Variants in VSNL1 observed in about 807,000 individuals in gnomAD.
VSNL1 encodes visinin-like protein 1.
In VSNL1, 6 loss-of-function variants were observed where a neutral mutation model predicts 20.4. The ratio of observed to expected loss-of-function variants is 0.29; its 90% CI spans 0.16 to 0.58. VSNL1 has a LOEUF of 0.58. Ranked by LOEUF, VSNL1 falls within the 20% of genes least tolerant of loss-of-function variation. VSNL1 has a pLI of 0.90. For missense variants in VSNL1, 100 were observed against 234.5 expected (o/e 0.43, Z 3.75); for synonymous variants, 93 against 86.4 (o/e 1.08, Z -0.42).
At chr2:17,591,547 G>A (rs183585202) in intron 1 of VSNL1, among the ~76,000 whole-genome samples, 4 of 152,026 alleles carry the variant, frequency 2.6e-5, no homozygotes, top group Admixed American at 1.3e-4. Context: ...TTTTTATTGG[G>A]GAAAAAAGCT....
intron 2 of VSNL1, among the ~76,000 whole-genome samples, chr2:17,629,011 C>T (rs963598184): frequency 1.3e-5 from 2 of 152,226 alleles, no homozygotes; most frequent in African/African-American, 2.4e-5. Context: ...CTGCCTTCAA[C>T]ACAGGGCTCA....
At chr2:17,569,846 A>G (rs1664040325) in intron 1 of VSNL1, among the ~76,000 whole-genome samples, 1 of 152,242 alleles carries the variant, frequency 6.6e-6, no homozygotes, top group South Asian at 2.1e-4. Flanking sequence ...AGACCATTTT[A>G]GAATTTGTAA....
At chr2:17,557,009 GAGGAAGAGATGGCTTTTTTTTTA>G (rs1558280912) in intron 1 of VSNL1, among the ~76,000 whole-genome samples, 2 of 152,174 alleles carry the variant, frequency 1.3e-5, no homozygotes, top group Admixed American at 6.6e-5. Flanking sequence ...AAAGGAGAAA[GAGGAAGAGATGGCTTTTTTTTTA>G]AGGATGCCAT....
At chr2:17,575,725 C>T (rs956025998) in intron 1 of VSNL1, among the ~76,000 whole-genome samples, 7 of 151,908 alleles carry the variant, frequency 4.6e-5, no homozygotes, top group African/African-American at 1.4e-4. Context: ...TTAGTAGAGA[C>T]GGGGTTTCAC....
intron 2 of VSNL1, among the ~76,000 whole-genome samples, chr2:17,646,185 T>TA (rs1407188268): frequency 6.6e-6 from 1 of 152,214 alleles, no homozygotes; most frequent in African/African-American, 2.4e-5. Flanking sequence ...AATGTTGAGT[T>TA]AAAGAATGAG....
chr2:17,600,756 C>T (rs535627471), intron 2 of VSNL1, among the ~76,000 whole-genome samples: 1 of 152,304 alleles, frequency 6.6e-6, no homozygotes, highest in East Asian at 1.9e-4. Flanking sequence ...CAATTTTTAG[C>T]ATGTATTTCC....
chr2:17,592,879 C>T (rs1033300), intron 2 of VSNL1, among the ~76,000 whole-genome samples: 16,633 of 151,888 alleles, frequency 0.11, 1,154 homozygotes, highest in African/African-American at 0.2. Flanking sequence ...ACAATTTCTA[C>T]TGCAGTGGTA....
In VSNL1 at chr2:17,656,475, G is replaced by A. The variant is rs148794569; in HGVS notation, c.*1081G>A. The stretch of plus-strand genomic sequence containing the variant: ...AACAACGTATGTTCAGTGCAACTAC[G>A]TGGAGCTGTGCACACACAGCAGGTA... On this transcript the variant is annotated 3_prime_UTR_variant, in exon 4 of 4. Transcript: ENST00000295156. 5 of 152,322 alleles carry A rather than the reference G, an allele frequency of 3.3e-5. No individual in the cohort carries two copies. Among genetic ancestry groups the A allele is most frequent in the East Asian group, 1.9e-4 (1 of 5,188 alleles). 9.4% of individuals were successfully genotyped at this position (152,322 alleles called of 1,614,324 possible). A position where few individuals can be genotyped will look rare whatever the true frequency, so the allele number is the denominator to read the frequency against.
intron 2 of VSNL1, among the ~76,000 whole-genome samples, chr2:17,647,279 C>A (rs1382644055): frequency 6.6e-6 from 1 of 152,060 alleles, no homozygotes; most frequent in Non-Finnish European, 1.5e-5. Context: ...GAAACCTACA[C>A]GAATGGAGGT....
rs1451315119 is a variant in VSNL1, at chr2:17,656,515, C to T, written c.*1121C>T. 1 of 152,138 alleles carries T rather than the reference C, an allele frequency of 6.6e-6. No individual in the cohort carries two copies. Among genetic ancestry groups the T allele is most frequent in the Non-Finnish European group, 1.5e-5 (1 of 68,036 alleles). The allele number at this position is 152,138 out of a possible 1,614,324, so 9.4% of individuals were successfully genotyped here. A position where few individuals can be genotyped will look rare whatever the true frequency, so the allele number is the denominator to read the frequency against. On this transcript the variant is annotated 3_prime_UTR_variant, in exon 4 of 4. Transcript: ENST00000295156. ...CACAGCAGGTAGGCTGCAGGTGTCC[C>T]CCAACATAAGTCAGTAGGAAAGAAG... is the stretch of plus-strand genomic sequence containing the variant.
chr2:17,596,948 C>G (rs894133449), intron 2 of VSNL1, among the ~76,000 whole-genome samples: 14 of 152,182 alleles, frequency 9.2e-5, no homozygotes, highest in Non-Finnish European at 1.8e-4. Flanking sequence ...TGTTTGCTGT[C>G]CTGATTGACG....
chr2:17,568,043 A>G (rs1663995351), intron 1 of VSNL1, among the ~76,000 whole-genome samples: 1 of 152,148 alleles, frequency 6.6e-6, no homozygotes. Flanking sequence ...GCTGGATTTT[A>G]CTGAGATGAC....
chr2:17,590,510 T>C (rs1664573552), intron 1 of VSNL1, among the ~76,000 whole-genome samples: 1 of 152,200 alleles, frequency 6.6e-6, no homozygotes, highest in African/African-American at 2.4e-5. Flanking sequence ...TTGCTGATAC[T>C]GGGCCCTTTT....
At chr2:17,646,354 G>A (rs1033560816) in intron 2 of VSNL1, among the ~76,000 whole-genome samples, 7 of 152,184 alleles carry the variant, frequency 4.6e-5, no homozygotes, top group African/African-American at 1.7e-4. Context: ...CATCAAATGT[G>A]GAGTTAAGTT....
intron 1 of VSNL1, among the ~76,000 whole-genome samples, chr2:17,585,541 A>G (rs986813942): frequency 2.4e-4 from 36 of 150,446 alleles, no homozygotes; most frequent in Admixed American, 1.9e-3. Context: ...ACAGAGAGAA[A>G]CATGGGTAGT....
intron 1 of VSNL1, among the ~76,000 whole-genome samples, chr2:17,562,793 C>T (rs1224843610): frequency 1.3e-5 from 2 of 152,204 alleles, no homozygotes; most frequent in African/African-American, 4.8e-5. Flanking sequence ...GATAGCATTT[C>T]AGCTTTTCTC....
Position 17,634,857 on chromosome 2 carries a change from A to T in VSNL1, c.163-14553A>T, listed in dbSNP as rs930219921. Among the ~76,000 whole-genome samples the T allele has an allele frequency of 2.6e-5, 4 of 152,048 alleles. No individual in the cohort carries two copies. The highest frequency in any genetic ancestry group is 9.7e-5 in the African/African-American group (4 of 41,392). On this transcript the variant is annotated intron_variant, in intron 2 of 3. Coordinates refer to ENST00000295156, the MANE Select transcript of VSNL1 (RefSeq NM_003385.5). The surrounding 1 kb of genome is among the most constrained non-coding windows in gnomAD (Gnocchi z 4.3). Reference sequence around the variant, plus strand: ...ACCCCAGCCAGAGCCTCCTTGTCCCATGGGTCCCGCTGCAGGGAGTTACTG... The same window carrying T: ...ACCCCAGCCAGAGCCTCCTTGTCCCTTGGGTCCCGCTGCAGGGAGTTACTG...
Position 17,655,060 on chromosome 2 carries a change from G to A in VSNL1, c.379-137G>A. 1 of 774,386 alleles carries A rather than the reference G, an allele frequency of 1.3e-6. No individual in the cohort carries two copies. The allele number at this position is 774,386 out of a possible 1,614,324, so 48.0% of individuals were successfully genotyped here. A position where few individuals can be genotyped will look rare whatever the true frequency, so the allele number is the denominator to read the frequency against. On this transcript the variant is annotated intron_variant, in intron 3 of 3. Transcript: ENST00000295156. This position sits in a 1 kb window ranked among gnomAD's most constrained non-coding sequence, Gnocchi z 5.2. ...TTGTCACAGAAACTTGCAGCACAAG[G>A]AGTGAAACTCCTCTGGGGAAAGGGA...
At position 17,604,461 on chromosome 2, in the gene VSNL1, C is replaced by T. The variant is rs535927838; in HGVS notation, c.162+12225C>T. ...CAGTACAGATCCCAGCCAGAGCTGCCTGCCCTGAGCCCTCCACTTGCTTAG... is the reference window on the plus strand; with the variant it reads ...CAGTACAGATCCCAGCCAGAGCTGCTTGCCCTGAGCCCTCCACTTGCTTAG... On this transcript the variant is annotated intron_variant, in intron 2 of 3. Coordinates refer to ENST00000295156, the MANE Select transcript of VSNL1 (RefSeq NM_003385.5). Among the ~76,000 whole-genome samples the T allele has an allele frequency of 3.3e-5, 5 of 152,380 alleles. No homozygotes were observed. In the East Asian group the frequency reaches 9.7e-4, roughly 29 times the overall value.
Sources: allele counts gnomAD v4.1 joint callset (sites outside exome capture counted in the v4.1 genomes callset), GRCh38; gene constraint gnomAD v4.1.1; non-coding constraint Gnocchi (gnomAD v3.1); transcripts MANE v1.5; gene names NCBI Gene and HGNC (gene_info 2026-07-23, HGNC 2026-07-21).